FAM163A: variants seen among roughly 807,000 people sequenced by gnomAD.
The protein encoded by FAM163A is family with sequence similarity 163 member A, also known as protein FAM163A.
A neutral mutation model predicts 12.0 loss-of-function variants in FAM163A; 7 were observed. The ratio of observed to expected loss-of-function variants is 0.58; its 90% CI spans 0.33 to 1.10. The LOEUF (loss-of-function observed/expected upper bound fraction) is 1.10, where lower values mean the gene tolerates loss of function less well. Among genes scored for constraint, FAM163A ranks in the 50% least tolerant of loss-of-function variants. The pLI is 0.03. For missense variants in FAM163A, 202 were observed against 218.6 expected (o/e 0.92, Z 0.48); for synonymous variants, 101 against 91.0 (o/e 1.11, Z -0.62).
intron 2 of FAM163A, among the ~76,000 whole-genome samples, chr1:179,810,383 G>A (rs1022502952): frequency 9.2e-5 from 14 of 152,260 alleles, no homozygotes; most frequent in South Asian, 4.1e-4. Context: ...CAAAAGCCCC[G>A]TCAGGAAACC....
upstream of FAM163A, among the ~76,000 whole-genome samples, chr1:179,741,560 T>C (rs534153507): frequency 4.7e-4 from 72 of 152,290 alleles, no homozygotes; most frequent in South Asian, 0.014. Context: ...ACAAAGAAAT[T>C]GTGATATGTC....
chr1:179,793,322 G>C (rs978160166), intron 1 of FAM163A, among the ~76,000 whole-genome samples: 1 of 152,108 alleles, frequency 6.6e-6, no homozygotes, highest in Non-Finnish European at 1.5e-5. Context: ...TCTTTAGCCA[G>C]AGCATAATTA....
In FAM163A at chr1:179,809,367, C is replaced by T. The variant is rs16854773; in HGVS notation, c.-45+1479C>T. ...GAGGAAGAGAGGCAAGCCTTGGTTA[C>T]GATTCCTCGCAATCCTACTGGCAAG... On this transcript the variant is annotated intron_variant, in intron 2 of 4. Transcript: ENST00000341785. Among the ~76,000 whole-genome samples, 1,507 of 152,302 alleles carry T rather than the reference C, an allele frequency of 9.9e-3. 14 individuals are homozygous for T. The highest frequency in any genetic ancestry group is 0.034 in the African/African-American group (1,428 of 41,552).
chr1:179,754,894 T>C (rs1352344542), intron 1 of FAM163A, among the ~76,000 whole-genome samples: 2 of 152,180 alleles, frequency 1.3e-5, no homozygotes, highest in Non-Finnish European at 2.9e-5. Flanking sequence ...CCCAGTTCTT[T>C]GGAAGGCCAA....
At chr1:179,756,014 C>T (rs574258277) in intron 1 of FAM163A, among the ~76,000 whole-genome samples, 2 of 152,328 alleles carry the variant, frequency 1.3e-5, no homozygotes, top group African/African-American at 4.8e-5. Context: ...CTTCTCTTAG[C>T]AGATGTGTCT....
intron 1 of FAM163A, among the ~76,000 whole-genome samples, chr1:179,768,026 C>G (rs1041886453): frequency 6.6e-6 from 1 of 150,798 alleles, no homozygotes; most frequent in Non-Finnish European, 1.5e-5. Context: ...CAGTCCTTGG[C>G]CACCACATTT....
chr1:179,779,646 G>C (rs1010684265), intron 1 of FAM163A, among the ~76,000 whole-genome samples: 2 of 152,196 alleles, frequency 1.3e-5, no homozygotes, highest in African/African-American at 4.8e-5. Context: ...AAACCAAATG[G>C]TAATGTGCAT....
In FAM163A at chr1:179,814,498, T is replaced by G; in HGVS notation, c.*309T>G. 1 of 294,034 alleles carries G rather than the reference T, an allele frequency of 3.4e-6. No homozygotes were observed. The highest frequency in any genetic ancestry group is 6.3e-6 in the Non-Finnish European group (1 of 157,958). 18.2% of individuals were successfully genotyped at this position (294,034 alleles called of 1,614,324 possible). A position where few individuals can be genotyped will look rare whatever the true frequency, so the allele number is the denominator to read the frequency against. ...CACAACCCCTTGCAGTGTGCCCCAG[T>G]CCCCTGGATTCGCTGGACTGCAAAA... On this transcript the variant is annotated 3_prime_UTR_variant, in exon 5 of 5. Coordinates refer to ENST00000341785, the MANE Select transcript of FAM163A (RefSeq NM_173509.3).
chr1:179,806,329 T>C (rs1330454752), intron 1 of FAM163A, among the ~76,000 whole-genome samples: 1 of 152,228 alleles, frequency 6.6e-6, no homozygotes, highest in Non-Finnish European at 1.5e-5. Flanking sequence ...CATCACAGGT[T>C]AATGTGAATG....
chr1:179,811,057 G>A (rs1235032247), intron 2 of FAM163A, among the ~76,000 whole-genome samples: 1 of 152,068 alleles, frequency 6.6e-6, no homozygotes, highest in Non-Finnish European at 1.5e-5. Context: ...AAAAAGAACA[G>A]TGGGACTGCA....
chr1:179,793,967 G>A (rs918275415), intron 1 of FAM163A, among the ~76,000 whole-genome samples: 1 of 152,210 alleles, frequency 6.6e-6, no homozygotes, highest in South Asian at 2.1e-4. Context: ...AGTGAAGAGG[G>A]CCTGGTCCTT....
rs1337812142 is a variant in FAM163A at position 179,815,216 on chromosome 1, T to C, written c.*1027T>C. ...AGCTGCAGAGAGGAAAGGTCTCCCATGTACCAGAGAAGGAAAAGTCTGATC... is the reference window on the plus strand; with the variant it reads ...AGCTGCAGAGAGGAAAGGTCTCCCACGTACCAGAGAAGGAAAAGTCTGATC... On this transcript the variant is annotated 3_prime_UTR_variant, in exon 5 of 5. Coordinates refer to ENST00000341785, the MANE Select transcript of FAM163A (RefSeq NM_173509.3). The C allele has an allele frequency of 1.3e-5, 2 of 152,540 alleles. No individual in the cohort carries two copies. Among genetic ancestry groups the C allele is most frequent in the Non-Finnish European group, 2.9e-5 (2 of 68,400 alleles). 9.4% of individuals were successfully genotyped at this position (152,540 alleles called of 1,614,324 possible).
intron 1 of FAM163A, among the ~76,000 whole-genome samples, chr1:179,782,323 T>A (rs1689893665): frequency 6.6e-6 from 1 of 151,488 alleles, no homozygotes; most frequent in Non-Finnish European, 1.5e-5. Flanking sequence ...GTAGAGGGGA[T>A]GAGACGGACA....
At position 179,813,156 on chromosome 1, in the gene FAM163A, G is replaced by A; in HGVS notation, c.59G>A (p.Cys20Tyr). ...GGILATVILL[C>Y]IIAVLCYCRL... ...ATCCTAGCTACGGTGATCCTCCTCTGCATCATTGCCGTCCTGTGCTACTGC... is the reference window on the plus strand; with the variant it reads ...ATCCTAGCTACGGTGATCCTCCTCTACATCATTGCCGTCCTGTGCTACTGC... Residue 20 changes from cysteine (C) to tyrosine (Y), a missense_variant, in exon 4 of 5, where the codon TGC (cysteine) becomes TAC (tyrosine). Coordinates refer to ENST00000341785, the MANE Select transcript of FAM163A (RefSeq NM_173509.3). 1.9e-6 allele frequency: 3 copies of A among 1,551,936 alleles called. No individual in the cohort carries two copies. The highest frequency in any genetic ancestry group is 2.6e-6 in the Non-Finnish European group (3 of 1,147,074).
intron 1 of FAM163A, among the ~76,000 whole-genome samples, chr1:179,754,130 C>CT (rs973658180): frequency 2.6e-5 from 4 of 151,452 alleles, no homozygotes; most frequent in Non-Finnish European, 4.4e-5. Context: ...GCACCAGTCT[C>CT]TTTTTTTTTC....
chr1:179,809,656 C>T lies in FAM163A; in HGVS notation c.-45+1768C>T, dbSNP rs569756547. On this transcript the variant is annotated intron_variant, in intron 2 of 4. Coordinates refer to ENST00000341785, the MANE Select transcript of FAM163A (RefSeq NM_173509.3). ...AGGGCACTGTTCTTATACAGCTTCT[C>T]CATAATTCCCTGTCTCCTAAAATAG... 3.3e-5 allele frequency among the ~76,000 whole-genome samples: 5 copies of T among 152,292 alleles called. No homozygotes were observed. The East Asian group carries it at 9.7e-4, about 29-fold the overall frequency.
At chr1:179,768,447 G>A (rs946038428) in intron 1 of FAM163A, among the ~76,000 whole-genome samples, 3 of 152,108 alleles carry the variant, frequency 2.0e-5, no homozygotes, top group African/African-American at 7.2e-5. Context: ...AGCATTTAGG[G>A]GCTCTGGTCT....
intron 1 of FAM163A, among the ~76,000 whole-genome samples, chr1:179,801,855 A>G (rs1303913987): frequency 6.6e-6 from 1 of 152,196 alleles, no homozygotes; most frequent in Non-Finnish European, 1.5e-5. Flanking sequence ...AGCTTAACAA[A>G]GACGCGTGAT....
intron 1 of FAM163A, among the ~76,000 whole-genome samples, chr1:179,805,559 G>A (rs1172356955): frequency 6.6e-6 from 1 of 151,828 alleles, no homozygotes; most frequent in Non-Finnish European, 1.5e-5. Context: ...AAAAAAAAAG[G>A]AATGCATAAT....
Sources: gnomAD v4.1 joint callset for allele counts (sites outside exome capture counted in the v4.1 genomes callset) on GRCh38, gnomAD v4.1.1 for gene constraint, MANE v1.5 for transcripts, NCBI Gene and HGNC (gene_info 2026-07-23, HGNC 2026-07-21) for gene names.